FANCC: variants seen among roughly 807,000 people sequenced by gnomAD.
The protein encoded by FANCC is Fanconi anemia group C protein.
Under a neutral mutation model 71.3 loss-of-function variants are expected in FANCC, and 55 were observed. The observed-to-expected ratio is 0.77, with a 90% CI of 0.62 to 0.97. FANCC has a LOEUF of 0.97. FANCC is among the 50% of genes least tolerant of loss of function. The pLI is 0.00. For missense variants in FANCC, 678 were observed against 670.9 expected (o/e 1.01, Z -0.12); for synonymous variants, 275 against 244.9 (o/e 1.12, Z -1.15).
intron 1 of FANCC, among the ~76,000 whole-genome samples, chr9:95,254,329 C>A (rs1831525846): frequency 1.3e-5 from 2 of 152,270 alleles, no homozygotes; most frequent in Admixed American, 6.5e-5. Context: ...CAGCTCCCAA[C>A]AGGATCAATG....
intron 5 of FANCC, among the ~76,000 whole-genome samples, chr9:95,171,782 A>G (rs1034693270): frequency 2.0e-5 from 3 of 152,204 alleles, no homozygotes; most frequent in Non-Finnish European, 2.9e-5. Context: ...CTCTGAGTGA[A>G]TAAGTGAGAT....
At chr9:95,123,589 C>T (rs1276838265) in intron 10 of FANCC, 2 of 585,438 alleles carry the variant, frequency 3.4e-6, no homozygotes, top group South Asian at 1.4e-5. Context: ...CTATTTGCGA[C>T]ACGAACTGTG....
intron 4 of FANCC, among the ~76,000 whole-genome samples, chr9:95,201,666 G>A (rs1827815003): frequency 6.6e-6 from 1 of 152,130 alleles, no homozygotes; most frequent in Non-Finnish European, 1.5e-5. Context: ...AAAAAAATTT[G>A]TGCCACCACA....
chr9:95,255,384 T>C (rs1370637855), intron 1 of FANCC, among the ~76,000 whole-genome samples: 3 of 152,146 alleles, frequency 2.0e-5, no homozygotes, highest in Non-Finnish European at 2.9e-5. Flanking sequence ...TCTGCTGTTC[T>C]GAAACCTCCA....
chr9:95,103,767 C>T (rs2071234328), intron 14 of FANCC, among the ~76,000 whole-genome samples: 1 of 152,232 alleles, frequency 6.6e-6, no homozygotes, highest in Non-Finnish European at 1.5e-5. Flanking sequence ...GAAGAGCCCA[C>T]TGCGCAGAGC....
chr9:95,302,731 G>A (rs932434507), intron 1 of FANCC, among the ~76,000 whole-genome samples: 1 of 152,160 alleles, frequency 6.6e-6, no homozygotes, highest in African/African-American at 2.4e-5. Context: ...GAGCAGCACG[G>A]CTCAGATATG....
chr9:95,163,367 T>G (rs1830864341), intron 6 of FANCC, among the ~76,000 whole-genome samples: 1 of 152,230 alleles, frequency 6.6e-6, no homozygotes, highest in Non-Finnish European at 1.5e-5. Context: ...AAAGGAAGTA[T>G]GAGGCTTCCA....
At chr9:95,234,834 G>A (rs986985693) in intron 4 of FANCC, among the ~76,000 whole-genome samples, 5 of 152,208 alleles carry the variant, frequency 3.3e-5, no homozygotes, top group African/African-American at 1.2e-4. Flanking sequence ...AAGAGGTGAC[G>A]TTTCAGTCTG....
chr9:95,184,570 T>C (rs1826592277), intron 4 of FANCC, among the ~76,000 whole-genome samples: 1 of 152,192 alleles, frequency 6.6e-6, no homozygotes, highest in Non-Finnish European at 1.5e-5. Context: ...AGGAAGACCT[T>C]GGATCTTAGC....
chr9:95,238,467 A>G (rs1830446065), intron 4 of FANCC, among the ~76,000 whole-genome samples: 1 of 151,918 alleles, frequency 6.6e-6, no homozygotes, highest in South Asian at 2.1e-4. Context: ...ATAGCTTCCA[A>G]CGTCTATCCT....
At chr9:95,262,024 C>T (rs1247462339) in intron 1 of FANCC, among the ~76,000 whole-genome samples, 1 of 152,156 alleles carries the variant, frequency 6.6e-6, no homozygotes, top group Admixed American at 6.5e-5. Context: ...TCTTCTCACA[C>T]ATATAAATTG....
At chr9:95,141,418 T>C (rs763316886) in intron 7 of FANCC, among the ~76,000 whole-genome samples, 3 of 152,110 alleles carry the variant, frequency 2.0e-5, no homozygotes, top group Non-Finnish European at 2.9e-5. Context: ...CTGCTAATTC[T>C]TTGCCACCTT....
At chr9:95,262,111 C>CA (rs1483293787) in intron 1 of FANCC, among the ~76,000 whole-genome samples, 7 of 152,048 alleles carry the variant, frequency 4.6e-5, no homozygotes, top group Non-Finnish European at 8.8e-5. Context: ...CCACTGTCCA[C>CA]AGGGGCTCAT....
At chr9:95,247,382 A>T (rs375017045) in intron 3 of FANCC, 50 bp downstream of exon 3, 31 of 1,340,688 alleles carry the variant, frequency 2.3e-5, no homozygotes, top group Non-Finnish European at 2.8e-5. Context: ...CTGTGAAACA[A>T]TGCAAAGATT....
At chr9:95,154,132 G>A (rs942130752) in intron 6 of FANCC, among the ~76,000 whole-genome samples, 6 of 150,816 alleles carry the variant, frequency 4.0e-5, no homozygotes, top group African/African-American at 1.5e-4. Context: ...TGTAGTCCCA[G>A]CTACTCAGGA....
chr9:95,308,625 C>T (rs562234223), intron 1 of FANCC, among the ~76,000 whole-genome samples: 45 of 152,160 alleles, frequency 3.0e-4, no homozygotes, highest in Middle Eastern at 6.8e-3. Flanking sequence ...GTGATCCACC[C>T]GCCTCGGCCT....
rs773767586 is a variant in FANCC, at chr9:95,117,295, C to T, written c.1072+20G>A. On this transcript the variant is annotated intron_variant, in intron 11 of 14. Transcript: ENST00000289081. ...TCCCAGGAAATCATTCTGATGTGGG[C>T]AAAGTCAACCCTAACTCACCTTGAG... 4.3e-6 allele frequency: 7 copies of T among 1,611,982 alleles called. No individual in the cohort carries two copies. Among genetic ancestry groups the T allele is most frequent in the Non-Finnish European group, 5.1e-6 (6 of 1,178,278 alleles).
intron 4 of FANCC, among the ~76,000 whole-genome samples, chr9:95,215,181 C>T (rs997271420): frequency 2.0e-5 from 3 of 152,148 alleles, no homozygotes; most frequent in Non-Finnish European, 2.9e-5. Flanking sequence ...CAGATCACTG[C>T]TTCTGCAGTA....
At position 95,163,675 on chromosome 9, in the gene FANCC, G is replaced by T. The variant is rs144218955; in HGVS notation, c.521+7404C>A. Among the ~76,000 whole-genome samples the T allele has an allele frequency of 1.3e-3, 191 of 152,170 alleles. 1 individual carries two copies. Among genetic ancestry groups the T allele is most frequent in the Admixed American group, 2.1e-3 (32 of 15,272 alleles). ...GACCAGCATGACCAACACGGAGAAAGCCCATCTCTACTAAAAATACAAAAT... is the reference window on the plus strand; with the variant it reads ...GACCAGCATGACCAACACGGAGAAATCCCATCTCTACTAAAAATACAAAAT... On this transcript the variant is annotated intron_variant, in intron 6 of 14. Coordinates refer to ENST00000289081, the MANE Select transcript of FANCC (RefSeq NM_000136.3).
Sources: gnomAD v4.1 joint callset for allele counts (sites outside exome capture counted in the v4.1 genomes callset) on GRCh38, gnomAD v4.1.1 for gene constraint, MANE v1.5 for transcripts, NCBI Gene and HGNC (gene_info 2026-07-23, HGNC 2026-07-21) for gene names.